The following PPFIA2 variants were observed in gnomAD, a reference collection of about 807,000 sequenced individuals.
PPFIA2 encodes liprin-alpha-2.
Under a neutral mutation model 175.5 loss-of-function variants are expected in PPFIA2, and 46 were observed. That is an observed-to-expected ratio of 0.26 (90% CI 0.21 to 0.34). The LOEUF (loss-of-function observed/expected upper bound fraction) is 0.34. PPFIA2 is among the 10% of genes least tolerant of loss of function. The pLI is 1.00. For missense variants in PPFIA2, 1,179 were observed against 1,506.1 expected (o/e 0.78, Z 3.60); for synonymous variants, 568 against 511.4 (o/e 1.11, Z -1.49).
chr12:81,673,328 A>T (rs774986810), intron 4 of PPFIA2, among the ~76,000 whole-genome samples: 8 of 152,122 alleles, frequency 5.3e-5, no homozygotes, highest in Non-Finnish European at 8.8e-5. Flanking sequence ...CCTCTTGGCC[A>T]TAGGTACCAG....
At chr12:81,757,441 A>T (rs1422349980) in intron 2 of PPFIA2, among the ~76,000 whole-genome samples, 1 of 152,146 alleles carries the variant, frequency 6.6e-6, no homozygotes, top group East Asian at 1.9e-4. Context: ...ATCTTCATCT[A>T]GATATTGATG....
Position 81,306,539 on chromosome 12 carries a change from TTG to T in PPFIA2, c.2643-7159_2643-7158del, listed in dbSNP as rs1207242863. Among the ~76,000 whole-genome samples the T allele has an allele frequency of 9.0e-4, 124 of 137,462 alleles. 1 individual carries two copies. The highest frequency in any genetic ancestry group is 2.1e-3 in the Admixed American group (27 of 12,874). 90.2% of individuals were successfully genotyped at this position (137,462 alleles called of 152,430 possible). A position where few individuals can be genotyped will look rare whatever the true frequency, so the allele number is the denominator to read the frequency against. On this transcript the variant is annotated intron_variant, in intron 22 of 32. Coordinates refer to ENST00000549396, the MANE Select transcript of PPFIA2 (RefSeq NM_003625.5). ...TTTGTTTGTTTGTTTGTTTGTTTCG[TTG>T]TTTTTTTTTTTTTTTTTTTGGCAGA...
Position 81,367,116 on chromosome 12 carries a change from G to A in PPFIA2, c.1537C>T (p.His513Tyr). Residue 513 changes from histidine (H) to tyrosine (Y), a missense_variant, in exon 14 of 33, where the codon CAT becomes TAT. By Grantham distance (83) the His-to-Tyr change is moderately conservative (BLOSUM62 2). Coordinates refer to ENST00000549396, the MANE Select transcript of PPFIA2 (RefSeq NM_003625.5). ...ATAAGTTTCCATTATACCTTATCAT[G>A]TAAAGATTCTTCAAGATTCTTTCTG... Reference protein sequence around the residue: ...TFRKNLEESLHDKERLAEEIE... With the variant: ...TFRKNLEESLYDKERLAEEIE... The A allele has an allele frequency of 6.9e-7, 1 of 1,446,218 alleles. No homozygotes were observed. The highest frequency in any genetic ancestry group is 9.2e-7 in the Non-Finnish European group (1 of 1,092,518). 89.6% of individuals were successfully genotyped at this position (1,446,218 alleles called of 1,614,324 possible). A position where few individuals can be genotyped will look rare whatever the true frequency, so the allele number is the denominator to read the frequency against.
At chr12:81,467,022 C>T (rs924944962) in intron 4 of PPFIA2, among the ~76,000 whole-genome samples, 1 of 150,764 alleles carries the variant, frequency 6.6e-6, no homozygotes, top group Non-Finnish European at 1.5e-5. Flanking sequence ...CTACCCAAGG[C>T]TCATTTTACT....
intron 11 of PPFIA2, among the ~76,000 whole-genome samples, chr12:81,370,956 C>A (rs1446970987): frequency 1.3e-5 from 2 of 151,782 alleles, no homozygotes; most frequent in Non-Finnish European, 2.9e-5. Context: ...ATATGTCATG[C>A]AGTAACTGAA....
intron 2 of PPFIA2, among the ~76,000 whole-genome samples, chr12:81,757,012 AT>A (rs1055882179): frequency 2.6e-5 from 4 of 152,206 alleles, no homozygotes; most frequent in Non-Finnish European, 2.9e-5. Flanking sequence ...CTACAAAAAA[AT>A]AAGGCCACTT....
chr12:81,653,526 C>T (rs1567728790), intron 4 of PPFIA2, among the ~76,000 whole-genome samples: 1 of 152,060 alleles, frequency 6.6e-6, no homozygotes, highest in Non-Finnish European at 1.5e-5. Context: ...CCTTGGCATT[C>T]CATAGATTGT....
At chr12:81,674,620 G>A (rs1247433211) in intron 4 of PPFIA2, among the ~76,000 whole-genome samples, 1 of 151,988 alleles carries the variant, frequency 6.6e-6, no homozygotes, top group Non-Finnish European at 1.5e-5. Flanking sequence ...GTGAGATCAG[G>A]CTACTGCACT....
At chr12:81,491,152 C>A (rs2147060888) in intron 4 of PPFIA2, among the ~76,000 whole-genome samples, 1 of 151,810 alleles carries the variant, frequency 6.6e-6, no homozygotes, top group African/African-American at 2.4e-5. Flanking sequence ...CAATTATGAT[C>A]TCTCTCTCCT....
chr12:81,490,826 C>T (rs1045881326), intron 4 of PPFIA2, among the ~76,000 whole-genome samples: 6 of 151,908 alleles, frequency 3.9e-5, no homozygotes, highest in African/African-American at 7.3e-5. Flanking sequence ...CATAGATTTT[C>T]CTCCTGTTTA....
At chr12:81,594,011 C>T (rs2058975880) in intron 4 of PPFIA2, among the ~76,000 whole-genome samples, 1 of 152,082 alleles carries the variant, frequency 6.6e-6, no homozygotes, top group Admixed American at 6.6e-5. Flanking sequence ...TGAGCTCTGC[C>T]TCCTGTCAGA....
chr12:81,383,720 T>C (rs1019293939), intron 9 of PPFIA2, among the ~76,000 whole-genome samples: 16 of 152,266 alleles, frequency 1.1e-4, no homozygotes, highest in African/African-American at 3.6e-4. Context: ...TTCATACACA[T>C]ATCTAGAGTT....
rs1196692980 is a variant in PPFIA2, at chr12:81,362,845, TGA to T, written c.1546-63_1546-62del. ...AATATCAGCAAGCAATTATGATAAA[TGA>T]GTCTTAATGATTTTTTTTAAAAAGG... On this transcript the variant is annotated intron_variant, in intron 14 of 32. Transcript: ENST00000549396. 3.2e-6 allele frequency: 3 copies of T among 947,776 alleles called. No homozygotes were observed. The African/African-American group carries it at 5.0e-5, about 16-fold the overall frequency. 58.7% of individuals were successfully genotyped at this position (947,776 alleles called of 1,614,324 possible). A position where few individuals can be genotyped will look rare whatever the true frequency, so the allele number is the denominator to read the frequency against.
At chr12:81,431,874 C>T (rs1211756112) in intron 7 of PPFIA2, among the ~76,000 whole-genome samples, 1 of 152,072 alleles carries the variant, frequency 6.6e-6, no homozygotes, top group Admixed American at 6.6e-5. Flanking sequence ...TCAGATCTGC[C>T]TCTCTCTGTC....
At chr12:81,630,722 A>G (rs982301720) in intron 4 of PPFIA2, among the ~76,000 whole-genome samples, 8 of 152,214 alleles carry the variant, frequency 5.3e-5, no homozygotes, top group African/African-American at 1.9e-4. Context: ...GCTCTCAGAG[A>G]TAAAGGCTAA....
intron 3 of PPFIA2, among the ~76,000 whole-genome samples, chr12:81,707,495 T>A (rs2077330840): frequency 6.6e-6 from 1 of 151,944 alleles, no homozygotes; most frequent in Non-Finnish European, 1.5e-5. Context: ...CCAGTTAGAA[T>A]GGCAATCATT....
intron 4 of PPFIA2, among the ~76,000 whole-genome samples, chr12:81,493,748 G>GTC (rs2059675776): frequency 7.8e-6 from 1 of 127,962 alleles, no homozygotes; most frequent in African/African-American, 3.1e-5. Context: ...GTGTGTGTGT[G>GTC]TGTGTCTATA....
At chr12:81,589,786 G>A (rs2058463112) in intron 4 of PPFIA2, among the ~76,000 whole-genome samples, 1 of 151,920 alleles carries the variant, frequency 6.6e-6, no homozygotes, top group Non-Finnish European at 1.5e-5. Context: ...TCTCTAAGTG[G>A]GAAATCATGA....
intron 22 of PPFIA2, among the ~76,000 whole-genome samples, chr12:81,306,331 C>T (rs1187149997): frequency 6.6e-6 from 1 of 152,098 alleles, no homozygotes; most frequent in Non-Finnish European, 1.5e-5. Flanking sequence ...TTTTGGGCTG[C>T]ACATCCATAA....
Sources: gnomAD v4.1 joint callset for allele counts (sites outside exome capture counted in the v4.1 genomes callset) on GRCh38, gnomAD v4.1.1 for gene constraint, MANE v1.5 for transcripts, NCBI Gene and HGNC (gene_info 2026-07-23, HGNC 2026-07-21) for gene names.